The following VSTM4 variants were observed in gnomAD, a reference collection of about 807,000 sequenced individuals.
VSTM4 encodes V-set and transmembrane domain containing 4, also known as V-set and transmembrane domain-containing protein 4.
In VSTM4, 20 loss-of-function variants were observed where a neutral mutation model predicts 36.4. That is an observed-to-expected ratio of 0.55 (90% CI 0.39 to 0.80). The LOEUF is 0.80. VSTM4 is among the 30% of genes least tolerant of loss of function. VSTM4 has a pLI of 0.00. For synonymous variants in VSTM4, 182 were observed against 173.9 expected (o/e 1.05, Z -0.37); for missense variants, 392 against 404.5 (o/e 0.97, Z 0.26).
chr10:49,061,343 A>C (rs1843873779), intron 5 of VSTM4, among the ~76,000 whole-genome samples: 1 of 152,138 alleles, frequency 6.6e-6, no homozygotes, highest in Non-Finnish European at 1.5e-5. Context: ...CCTTGAAAAA[A>C]TAATTGTTTT....
At chr10:49,046,044 C>T (rs71500262) in intron 7 of VSTM4, among the ~76,000 whole-genome samples, 1 of 152,188 alleles carries the variant, frequency 6.6e-6, no homozygotes, top group Admixed American at 6.5e-5. Flanking sequence ...CACACACACC[C>T]TCTCTCGCCT....
chr10:49,105,329 C>CAG (rs60466424), intron 2 of VSTM4, among the ~76,000 whole-genome samples: 147 of 122,756 alleles, frequency 1.2e-3, no homozygotes, highest in Middle Eastern at 4.9e-3. Context: ...GAGAGAGAGA[C>CAG]GGGGGGGGGA....
intron 2 of VSTM4, among the ~76,000 whole-genome samples, chr10:49,090,854 C>G (rs1844461061): frequency 6.6e-6 from 1 of 152,186 alleles, no homozygotes; most frequent in Non-Finnish European, 1.5e-5. Context: ...ACCAGCCCTG[C>G]CTCTCACGGA....
At chr10:49,022,427 G>A (rs1273428545) in intron 7 of VSTM4, among the ~76,000 whole-genome samples, 1 of 152,032 alleles carries the variant, frequency 6.6e-6, no homozygotes, top group East Asian at 1.9e-4. Flanking sequence ...CTTTTGAGAT[G>A]ATGCACCCCA....
intron 7 of VSTM4, among the ~76,000 whole-genome samples, chr10:49,023,738 T>G (rs537594425): frequency 6.6e-6 from 1 of 152,202 alleles, no homozygotes; most frequent in South Asian, 2.1e-4. Flanking sequence ...TGATAGACGC[T>G]GGCTTCAAAA....
rs1207702147 is a variant in VSTM4 at position 49,016,052 on chromosome 10, G to A, written c.*3598C>T. 3.3e-5 allele frequency: 5 copies of A among 152,284 alleles called. No individual in the cohort carries two copies. Among genetic ancestry groups the A allele is most frequent in the African/African-American group, 4.8e-5 (2 of 41,466 alleles). The allele number at this position is 152,284 out of a possible 1,614,324, so 9.4% of individuals were successfully genotyped here. The stretch of plus-strand genomic sequence containing the variant: ...CAGCAGGACACACGGTGCAGCAGGA[G>A]CTCAGGGGCTGCAATGCAGCCACTG... On this transcript the variant is annotated 3_prime_UTR_variant, in exon 8 of 8. Transcript: ENST00000332853.
chr10:49,104,717 T>C (rs1232730201), intron 2 of VSTM4, among the ~76,000 whole-genome samples: 1 of 151,988 alleles, frequency 6.6e-6, no homozygotes, highest in African/African-American at 2.4e-5. Context: ...GAACCACTTC[T>C]GGGTGAGAGG....
intron 2 of VSTM4, among the ~76,000 whole-genome samples, chr10:49,098,231 C>T (rs1251582385): frequency 6.6e-6 from 1 of 152,248 alleles, no homozygotes; most frequent in Non-Finnish European, 1.5e-5. Context: ...CAGCCTTCCT[C>T]ACCAGCCTTG....
At chr10:49,091,139 G>T (rs976647573) in intron 2 of VSTM4, among the ~76,000 whole-genome samples, 1 of 152,262 alleles carries the variant, frequency 6.6e-6, no homozygotes, top group African/African-American at 2.4e-5. Flanking sequence ...GATGGGTCAG[G>T]TCTCACAGTG....
intron 7 of VSTM4, among the ~76,000 whole-genome samples, chr10:49,045,635 C>T (rs1415678383): frequency 6.6e-6 from 1 of 152,110 alleles, no homozygotes; most frequent in Admixed American, 6.5e-5. Context: ...ACTCTCCTCA[C>T]CTTGAATGTG....
At chr10:49,111,661 C>T (rs921261197) in intron 1 of VSTM4, among the ~76,000 whole-genome samples, 3 of 152,314 alleles carry the variant, frequency 2.0e-5, no homozygotes, top group Admixed American at 2.0e-4. Flanking sequence ...CGTCCCCCTC[C>T]CCGTTGTACC....
intron 7 of VSTM4, among the ~76,000 whole-genome samples, chr10:49,021,072 A>C (rs1288847192): frequency 1.3e-5 from 2 of 152,056 alleles, no homozygotes; most frequent in African/African-American, 2.4e-5. Context: ...GTAGACATAT[A>C]TTTTCTTAAT....
chr10:49,046,831 A>C (rs907056285), intron 7 of VSTM4, 152 bp downstream of exon 7: 2 of 753,182 alleles, frequency 2.7e-6, no homozygotes, highest in African/African-American at 3.5e-5. Flanking sequence ...GCTGACTCAA[A>C]AGCTGGCATC....
At chr10:49,030,508 G>A (rs528947897) in intron 7 of VSTM4, among the ~76,000 whole-genome samples, 2 of 152,336 alleles carry the variant, frequency 1.3e-5, no homozygotes, top group South Asian at 2.1e-4. Flanking sequence ...CCCAGGGACT[G>A]AGAGCCAGTC....
chr10:49,103,914 C>T (rs1368875736), intron 2 of VSTM4: 7 of 1,527,330 alleles, frequency 4.6e-6, no homozygotes, highest in African/African-American at 1.4e-5. Context: ...GACCACGGGC[C>T]TGGGGTGGGG....
intron 2 of VSTM4, among the ~76,000 whole-genome samples, chr10:49,092,879 C>T (rs1045580123): frequency 7.2e-5 from 11 of 152,134 alleles, no homozygotes; most frequent in African/African-American, 2.7e-4. Flanking sequence ...CAGACAGGCA[C>T]TGGTATGTAG....
intron 7 of VSTM4, among the ~76,000 whole-genome samples, chr10:49,040,416 G>T (rs1843502562): frequency 6.6e-6 from 1 of 151,988 alleles, no homozygotes; most frequent in African/African-American, 2.4e-5. Context: ...CTAAGTAGCT[G>T]GGATTACAGG....
At chr10:49,054,525 G>C (rs1433547206) in intron 5 of VSTM4, among the ~76,000 whole-genome samples, 1 of 152,178 alleles carries the variant, frequency 6.6e-6, no homozygotes, top group African/African-American at 2.4e-5. Flanking sequence ...AAATCGTCTG[G>C]AACAAGTGAT....
At chr10:49,071,306 C>T (rs974054662) in intron 4 of VSTM4, among the ~76,000 whole-genome samples, 1 of 152,152 alleles carries the variant, frequency 6.6e-6, no homozygotes, top group Admixed American at 6.5e-5. Flanking sequence ...GACTAATTCG[C>T]GAACAAGCAA....
Sources: allele counts gnomAD v4.1 joint callset (sites outside exome capture counted in the v4.1 genomes callset), GRCh38; gene constraint gnomAD v4.1.1; transcripts MANE v1.5; gene names NCBI Gene and HGNC (gene_info 2026-07-23, HGNC 2026-07-21).